The following TDP2 variants were observed in gnomAD, a reference collection of about 807,000 sequenced individuals.
TDP2 encodes the protein 5'-Tyr-DNA phosphodiesterase.
A neutral mutation model predicts 42.8 loss-of-function variants in TDP2; 38 were observed. That is an observed-to-expected ratio of 0.89 (90% CI 0.68 to 1.16). TDP2 has a LOEUF of 1.16. Ranked by LOEUF, TDP2 falls within the 50% of genes most tolerant of loss-of-function variation. The pLI is 0.00. For synonymous variants in TDP2, 173 were observed against 150.6 expected (o/e 1.15, Z -1.09); for missense variants, 439 against 439.3 (o/e 1.00, Z 0.01).
chr6:24,652,643 T>C (rs907349751), intron 6 of TDP2, among the ~76,000 whole-genome samples: 3 of 151,102 alleles, frequency 2.0e-5, no homozygotes, highest in Non-Finnish European at 4.4e-5. Context: ...ATTGTTCTCA[T>C]ATTGCACCTA....
At chr6:24,664,238 GCTGCTGGTCCAGAGTCCACACT>G (rs1778196589) in intron 2 of TDP2, among the ~76,000 whole-genome samples, 1 of 151,550 alleles carries the variant, frequency 6.6e-6, no homozygotes, top group South Asian at 2.1e-4. Context: ...GCAGTGGCAC[GCTGCTGGTCCAGAGTCCACACT>G]CTAAATAACA....
intron 3 of TDP2, 59 bp from the exon 4 acceptor site, chr6:24,657,962 C>A: frequency 1.6e-6 from 2 of 1,216,812 alleles, no homozygotes; most frequent in South Asian, 1.4e-5. Flanking sequence ...TTTCAGCTAC[C>A]TAAATGAAGG....
intron 6 of TDP2, among the ~76,000 whole-genome samples, chr6:24,651,740 C>T (rs1341633037): frequency 6.6e-6 from 1 of 152,160 alleles, no homozygotes; most frequent in Admixed American, 6.5e-5. Flanking sequence ...GCATGTGCCA[C>T]AATGCCCGGC....
chr6:24,652,925 A>G, intron 6 of TDP2, 58 bp downstream of exon 6: 1 of 1,587,154 alleles, frequency 6.3e-7, no homozygotes, highest in South Asian at 1.1e-5. Flanking sequence ...AAAGGAACCT[A>G]AATTAGTCTC....
At chr6:24,660,486 T>C (rs866504003) in intron 2 of TDP2, among the ~76,000 whole-genome samples, 1 of 152,200 alleles carries the variant, frequency 6.6e-6, no homozygotes, top group Non-Finnish European at 1.5e-5. Context: ...AAATACCTAA[T>C]ATAGAAAAGG....
chr6:24,664,415 C>T (rs906964032), intron 2 of TDP2, among the ~76,000 whole-genome samples: 2 of 149,720 alleles, frequency 1.3e-5, no homozygotes, highest in Admixed American at 6.6e-5. Flanking sequence ...TTTTTAAATT[C>T]CCCAGATAAT....
intron 2 of TDP2, chr6:24,666,276 A>G: frequency 6.5e-7 from 1 of 1,541,098 alleles, no homozygotes; most frequent in Non-Finnish European, 8.8e-7. Flanking sequence ...GTTAAACATT[A>G]CATTTCCATC....
At chr6:24,663,260 G>C (rs1778183005) in intron 2 of TDP2, among the ~76,000 whole-genome samples, 1 of 152,150 alleles carries the variant, frequency 6.6e-6, no homozygotes. Flanking sequence ...TAAAGAAACT[G>C]AGGCAGAGAG....
intron 2 of TDP2, among the ~76,000 whole-genome samples, chr6:24,660,213 A>C (rs1778118568): frequency 6.6e-6 from 1 of 152,172 alleles, no homozygotes; most frequent in Admixed American, 6.5e-5. Flanking sequence ...TTGTTTAAAT[A>C]TTTTTGTATT....
chr6:24,666,497 G>T (rs899745970), intron 2 of TDP2, 29 bp downstream of exon 2: 2 of 1,607,754 alleles, frequency 1.2e-6, no homozygotes, highest in Admixed American at 1.7e-5. Flanking sequence ...CCTCCGTGCG[G>T]ACTGGCTCCC....
intron 6 of TDP2, among the ~76,000 whole-genome samples, chr6:24,651,792 G>A (rs17243599): frequency 0.025 from 3,742 of 152,210 alleles, 144 homozygotes; most frequent in African/African-American, 0.08. Context: ...TCACCGTGCC[G>A]GCCAGGCTGG....
At chr6:24,664,994 A>G (rs900081530) in intron 2 of TDP2, among the ~76,000 whole-genome samples, 2 of 152,244 alleles carry the variant, frequency 1.3e-5, no homozygotes, top group Admixed American at 1.3e-4. Flanking sequence ...ATTGGTTACA[A>G]TATAGTCTGT....
At chr6:24,659,320 TG>T (rs1270647587) in intron 2 of TDP2, 2 of 152,304 alleles carry the variant, frequency 1.3e-5, no homozygotes, top group African/African-American at 4.8e-5. Context: ...ATTTTTTTTC[TG>T]CTGCAACCTT....
At chr6:24,661,060 C>T (rs1037668013) in intron 2 of TDP2, among the ~76,000 whole-genome samples, 4 of 152,098 alleles carry the variant, frequency 2.6e-5, no homozygotes, top group Admixed American at 2.6e-4. Flanking sequence ...TATAATTTTC[C>T]CCATCATAGT....
intron 6 of TDP2, among the ~76,000 whole-genome samples, chr6:24,651,541 A>T (rs1777973991): frequency 1.3e-5 from 2 of 152,284 alleles, no homozygotes; most frequent in African/African-American, 4.8e-5. Flanking sequence ...TCCAGGATTT[A>T]AAAAAATTGT....
At chr6:24,666,313 T>C in intron 2 of TDP2, 1 of 1,525,506 alleles carries the variant, frequency 6.6e-7, no homozygotes, top group Non-Finnish European at 8.8e-7. Flanking sequence ...CCAAATCACG[T>C]TCGAAGCGAC....
At chr6:24,665,383 C>A (rs1011695133) in intron 2 of TDP2, among the ~76,000 whole-genome samples, 1 of 152,184 alleles carries the variant, frequency 6.6e-6, no homozygotes, top group East Asian at 1.9e-4. Context: ...GTTAGTAAAA[C>A]GGGAGCCAGA....
At chr6:24,657,334 G>C (rs1778074637) in intron 4 of TDP2, among the ~76,000 whole-genome samples, 1 of 152,158 alleles carries the variant, frequency 6.6e-6, no homozygotes, top group South Asian at 2.1e-4. Context: ...ACCAAGGAAA[G>C]ACTGTATATG....
chr6:24,660,345 G>A (rs1214015269), intron 2 of TDP2, among the ~76,000 whole-genome samples: 1 of 152,080 alleles, frequency 6.6e-6, no homozygotes, highest in Non-Finnish European at 1.5e-5. Flanking sequence ...AACCTAGATG[G>A]TACAACAGCC....
Sources: allele counts gnomAD v4.1 joint callset (sites outside exome capture counted in the v4.1 genomes callset), GRCh38; gene constraint gnomAD v4.1.1; transcripts MANE v1.5; gene names NCBI Gene and HGNC (gene_info 2026-07-23, HGNC 2026-07-21).